The following BACH2 variants were observed in gnomAD, a reference collection of about 807,000 sequenced individuals.
BACH2 encodes BACH transcriptional regulator 2.
A neutral mutation model predicts 61.8 loss-of-function variants in BACH2; 5 were observed. The ratio of observed to expected loss-of-function variants is 0.08; its 90% CI spans 0.04 to 0.17. The LOEUF (loss-of-function observed/expected upper bound fraction) is 0.17, where lower values mean the gene tolerates loss of function less well. Ranked by LOEUF, BACH2 falls within the 10% of genes least tolerant of loss-of-function variation. The pLI, the probability that BACH2 is intolerant of heterozygous loss-of-function variation, is 1.00. For missense variants in BACH2, 824 were observed against 1,091.1 expected (o/e 0.76, Z 3.45); for synonymous variants, 446 against 440.1 (o/e 1.01, Z -0.17).
At chr6:89,995,416 T>C (rs1046856497) in intron 6 of BACH2, among the ~76,000 whole-genome samples, 2 of 152,180 alleles carry the variant, frequency 1.3e-5, no homozygotes, top group Non-Finnish European at 2.9e-5. Context: ...ATCATGGCTG[T>C]CAGCGAAGGG....
At chr6:90,102,835 ATAAT>A (rs1388086612) in intron 4 of BACH2, among the ~76,000 whole-genome samples, 6 of 139,310 alleles carry the variant, frequency 4.3e-5, no homozygotes, top group Admixed American at 7.3e-5. Flanking sequence ...AATAATAATA[ATAAT>A]AAAAATAAAA....
In BACH2 at chr6:89,932,121, GTGT is replaced by G. The variant is rs1772688119; in HGVS notation, c.*284_*286del. ...AAAAATCCGTGGTTGGGGCCTAGAG[GTGT>G]TGTAGTCTATCCCTGTGAAGACTGA... On this transcript the variant is annotated 3_prime_UTR_variant, in exon 9 of 9. Coordinates refer to ENST00000257749, the MANE Select transcript of BACH2 (RefSeq NM_021813.4). The G allele has an allele frequency of 3.3e-6, 1 of 306,448 alleles. No individual in the cohort carries two copies. The highest frequency in any genetic ancestry group is 2.1e-5 in the African/African-American group (1 of 47,822). The allele number at this position is 306,448 out of a possible 1,614,324, so 19.0% of individuals were successfully genotyped here.
At chr6:90,143,760 G>T (rs1784535782) in intron 4 of BACH2, among the ~76,000 whole-genome samples, 1 of 152,052 alleles carries the variant, frequency 6.6e-6, no homozygotes, top group Non-Finnish European at 1.5e-5. Flanking sequence ...ACTGAGGGCT[G>T]CCCCCATTGG....
intron 1 of BACH2, among the ~76,000 whole-genome samples, 165 bp downstream of exon 1, chr6:90,296,315 G>A (rs1747073572): frequency 6.6e-6 from 1 of 151,416 alleles, no homozygotes; most frequent in Non-Finnish European, 1.5e-5. Context: ...TGCCATAAAA[G>A]CGGGCAGGGC....
intron 2 of BACH2, among the ~76,000 whole-genome samples, chr6:90,258,064 T>G (rs925834071): frequency 6.6e-6 from 1 of 152,190 alleles, no homozygotes; most frequent in Non-Finnish European, 1.5e-5. Context: ...CGTGAGCCAC[T>G]GCGCCCAGCC....
chr6:89,936,248 G>A (rs1406121302), intron 8 of BACH2, among the ~76,000 whole-genome samples: 1 of 152,196 alleles, frequency 6.6e-6, no homozygotes, highest in African/African-American at 2.4e-5. Flanking sequence ...TCCACAGGCA[G>A]GTGCCCAGCC....
chr6:90,082,629 G>T (rs1781771734), intron 5 of BACH2, among the ~76,000 whole-genome samples: 1 of 152,084 alleles, frequency 6.6e-6, no homozygotes, highest in Admixed American at 6.6e-5. Context: ...TTAACAGGTA[G>T]GTTATATTTG....
intron 4 of BACH2, among the ~76,000 whole-genome samples, chr6:90,136,846 T>C (rs181116128): frequency 2.2e-4 from 34 of 152,016 alleles, no homozygotes; most frequent in Admixed American, 1.8e-3. Context: ...TTCTTTCTTT[T>C]TTTTTTTTTA....
At chr6:90,066,184 A>AT (rs1257910380) in intron 5 of BACH2, among the ~76,000 whole-genome samples, 1 of 152,186 alleles carries the variant, frequency 6.6e-6, no homozygotes, top group African/African-American at 2.4e-5. Context: ...GAAGAAACCA[A>AT]TAAGTCCACA....
intron 3 of BACH2, among the ~76,000 whole-genome samples, chr6:90,252,253 C>T (rs1770834852): frequency 6.6e-6 from 1 of 152,118 alleles, no homozygotes; most frequent in African/African-American, 2.4e-5. Flanking sequence ...CTGATGAAGA[C>T]TTGATAATAT....
chr6:90,228,418 A>G (rs759431317), intron 3 of BACH2, among the ~76,000 whole-genome samples: 1 of 152,256 alleles, frequency 6.6e-6, no homozygotes, highest in Non-Finnish European at 1.5e-5. Flanking sequence ...TGCTCCTGGA[A>G]GAAAAAAAGC....
At chr6:90,017,116 C>T (rs1373214859) in intron 5 of BACH2, among the ~76,000 whole-genome samples, 1 of 152,054 alleles carries the variant, frequency 6.6e-6, no homozygotes, top group Non-Finnish European at 1.5e-5. Context: ...TGTCTTCTCC[C>T]CTCTTCTCCC....
intron 4 of BACH2, among the ~76,000 whole-genome samples, chr6:90,189,781 T>C (rs1202853012): frequency 1.3e-5 from 2 of 152,174 alleles, no homozygotes; most frequent in Non-Finnish European, 2.9e-5. Context: ...ATAGGGATCT[T>C]GCTTCAGGTT....
At chr6:90,287,970 G>A (rs2127890742) in intron 1 of BACH2, among the ~76,000 whole-genome samples, 1 of 152,298 alleles carries the variant, frequency 6.6e-6, no homozygotes, top group Admixed American at 6.5e-5. Flanking sequence ...AAAAAAGTGA[G>A]CACAGAAGGA....
intron 7 of BACH2, among the ~76,000 whole-genome samples, chr6:89,948,345 T>G (rs1773870467): frequency 1.3e-5 from 2 of 152,182 alleles, no homozygotes; most frequent in Non-Finnish European, 2.9e-5. Flanking sequence ...TAGCTGGGAC[T>G]ACTGGCACGA....
Position 89,950,487 on chromosome 6 carries a change from A to T in BACH2, c.1619T>A (p.Leu540His). 1 of 1,614,076 alleles carries T rather than the reference A, an allele frequency of 6.2e-7. No individual in the cohort carries two copies. The highest frequency in any genetic ancestry group is 8.5e-7 in the Non-Finnish European group (1 of 1,179,986). Residue 540 changes from leucine (L) to histidine (H), a missense_variant, in exon 7 of 9, where the codon CTC (leucine) becomes CAC (histidine). Leu to His is a moderately conservative substitution (Grantham distance 99). Transcript: ENST00000257749. This position sits in a 1 kb window ranked among gnomAD's most constrained non-coding sequence, Gnocchi z 5.3. The part of the protein sequence containing the change: ...EDGSGGSPCS[L>H]PLCEFSSSPC... ...CGAGGAGGAGAACTCACAGAGAGGG[A>T]GGCTGCAGGGTGAGCCCCCGCTCCC...
chr6:90,125,421 T>C (rs912874317), intron 4 of BACH2, among the ~76,000 whole-genome samples: 4 of 152,196 alleles, frequency 2.6e-5, no homozygotes, highest in African/African-American at 9.7e-5. Context: ...GGTTAACCCT[T>C]TGAAGGTTCT....
At position 89,934,004 on chromosome 6, in the gene BACH2, A is replaced by AT. The variant is rs1294917080; in HGVS notation, c.2044-1115dup. On this transcript the variant is annotated intron_variant, in intron 8 of 8. Transcript: ENST00000257749. ...GTCTCCCCGCACCAAAAAAAAGTTT[A>AT]TTAAAAAAAAAGACAAAAAAAAAGT... Among the ~76,000 whole-genome samples the AT allele has an allele frequency of 2.0e-5, 3 of 151,598 alleles. No homozygotes were observed. In the East Asian group the frequency reaches 5.8e-4, roughly 29 times the overall value.
chr6:90,059,473 C>T (rs1276787052), intron 5 of BACH2, among the ~76,000 whole-genome samples: 1 of 152,142 alleles, frequency 6.6e-6, no homozygotes, highest in African/African-American at 2.4e-5. Context: ...AGTCAGGAAA[C>T]AACAGGTGCT....
Sources: gnomAD v4.1 joint callset for allele counts (sites outside exome capture counted in the v4.1 genomes callset) on GRCh38, gnomAD v4.1.1 for gene constraint, Gnocchi (gnomAD v3.1) non-coding constraint, MANE v1.5 for transcripts, NCBI Gene and HGNC (gene_info 2026-07-23, HGNC 2026-07-21) for gene names.